MADD: variants seen among roughly 807,000 people sequenced by gnomAD.
The protein encoded by MADD is MAP kinase-activating death domain protein.
A neutral mutation model predicts 176.7 loss-of-function variants in MADD; 109 were observed. The observed-to-expected ratio is 0.62, with a 90% confidence interval of 0.53 to 0.72. The LOEUF (loss-of-function observed/expected upper bound fraction) is 0.72, where lower values mean the gene tolerates loss of function less well. Among genes scored for constraint, MADD ranks in the 30% least tolerant of loss-of-function variants. The probability of loss-of-function intolerance (pLI) is 0.00; values close to 1 mark genes in which losing one functional copy is unlikely to be tolerated. For missense variants in MADD, 1,914 were observed against 2,045.5 expected, an observed-to-expected ratio of 0.94 and a Z score of 1.24; for synonymous variants, 771 against 771.3, an observed-to-expected ratio of 1.00 and a Z score of 0.01.
intron 27 of MADD, among the ~76,000 whole-genome samples, chr11:47,320,823 A>G (rs2094343220): frequency 6.6e-6 from 1 of 152,004 alleles, no homozygotes. Flanking sequence ...TGGGGAGGCT[A>G]AGTTGGGAGG....
intron 1 of MADD, among the ~76,000 whole-genome samples, chr11:47,271,550 G>A (rs1232341619): frequency 1.3e-5 from 2 of 152,140 alleles, no homozygotes; most frequent in Non-Finnish European, 2.9e-5. Flanking sequence ...GGCTAGAGAG[G>A]CCTGATGCGT....
chr11:47,308,586 T>C lies in MADD; in HGVS notation c.3643-5T>C. 1 of 1,612,944 alleles carries C rather than the reference T, an allele frequency of 6.2e-7. No homozygotes were observed. Among genetic ancestry groups the C allele is most frequent in the Non-Finnish European group, 8.5e-7 (1 of 1,179,186 alleles). On this transcript the variant is annotated splice_polypyrimidine_tract_variant and splice_region_variant and intron_variant, in intron 22 of 32. Coordinates refer to ENST00000402192, the Ensembl canonical transcript of MADD. The stretch of plus-strand genomic sequence containing the variant: ...GGCCACTGACCTATCACCTCTTCTC[T>C]CTAGGGTAAAGCCCACAGCTTGAAG...
intron 25 of MADD, among the ~76,000 whole-genome samples, 169 bp from the exon 29 acceptor site, chr11:47,311,563 C>T (rs971386635): frequency 6.6e-6 from 1 of 152,186 alleles, no homozygotes; most frequent in Admixed American, 6.5e-5. Context: ...TTCTTCCCCT[C>T]ATGGTGGCAG....
At chr11:47,318,830 CAG>C (rs1369960479) in intron 27 of MADD, among the ~76,000 whole-genome samples, 1 of 101,844 alleles carries the variant, frequency 9.8e-6, no homozygotes, top group Non-Finnish European at 1.8e-5. Flanking sequence ...TTTTTTGAGA[CAG>C]AGTCTCACTC....
At chr11:47,296,318 A>G (rs2071769475) in intron 22 of MADD, among the ~76,000 whole-genome samples, 1 of 152,142 alleles carries the variant, frequency 6.6e-6, no homozygotes, top group Non-Finnish European at 1.5e-5. Flanking sequence ...TTTGAATCCT[A>G]TGTAGTATTA....
chr11:47,309,288 G>A (rs756262825), exon 24 of MADD: 30 of 1,614,066 alleles, frequency 1.9e-5, no homozygotes, highest in Non-Finnish European at 2.5e-5. Flanking sequence ...CAGGCAAAGA[G>A]CGTTCTACTT....
chr11:47,269,403 C>T (rs1431965988), upstream of MADD: 1 of 152,470 alleles, frequency 6.6e-6, no homozygotes, highest in Non-Finnish European at 1.5e-5. Flanking sequence ...GTCGGCGGTG[C>T]ACCTCACGTG....
At position 47,277,452 on chromosome 11, in the gene MADD, A is replaced by G. The variant is rs186279911; in HGVS notation, c.1095+589A>G. 3.9e-5 allele frequency among the ~76,000 whole-genome samples: 6 copies of G among 152,170 alleles called. No homozygotes were observed. In the East Asian group the frequency reaches 1.2e-3, roughly 29 times the overall value. ...GGATTACAGGCACTGCCACCACCAC[A>G]CACCAAATAATTTTTTGTATTTTTA... On this transcript the variant is annotated intron_variant, in intron 5 of 32. Coordinates refer to ENST00000402192, the Ensembl canonical transcript of MADD.
chr11:47,308,538 TG>T (rs766411897), intron 22 of MADD, 52 bp from the exon 25 acceptor site: 60 of 1,384,352 alleles, frequency 4.3e-5, no homozygotes, highest in Admixed American at 2.5e-4. Context: ...TGGTTTCCTT[TG>T]TCTCTATTCA....
exon 10 of MADD, chr11:47,282,858 C>T: frequency 6.2e-7 from 1 of 1,614,172 alleles, no homozygotes; most frequent in South Asian, 1.1e-5. Context: ...AAGTGGTATG[C>T]TCATCAGCTG....
chr11:47,284,513 C>T, exon 12 of MADD: 10 of 1,614,142 alleles, frequency 6.2e-6, no homozygotes, highest in African/African-American at 1.3e-5. Context: ...CGCTCCAGCT[C>T]TAGCACCACA....
At chr11:47,272,122 G>C (rs539067344) in intron 1 of MADD, 3 of 152,208 alleles carry the variant, frequency 2.0e-5, no homozygotes, top group African/African-American at 7.2e-5. Context: ...CTCTAGGTTC[G>C]AGGAGAGTGA....
At chr11:47,319,875 C>T (rs147206042) in intron 27 of MADD, among the ~76,000 whole-genome samples, 3,420 of 151,734 alleles carry the variant, frequency 0.023, 46 homozygotes, top group Non-Finnish European at 0.036. Flanking sequence ...GCCTGCAATC[C>T]CAGCTACATG....
chr11:47,279,195 C>T (rs752672990), intron 7 of MADD, 116 bp downstream of exon 7: 2 of 960,630 alleles, frequency 2.1e-6, no homozygotes, highest in African/African-American at 1.6e-5. Context: ...TAGTTTTCTT[C>T]ACCCTGGATG....
intron 14 of MADD, 78 bp downstream of exon 14, chr11:47,285,668 T>C (rs572345563): frequency 1.4e-4 from 219 of 1,588,356 alleles, no homozygotes; most frequent in Non-Finnish European, 1.8e-4. Flanking sequence ...CAAATGTTGC[T>C]TAGAACTTCA....
At position 47,309,589 on chromosome 11, in the gene MADD, ATC is replaced by A; in HGVS notation, c.3958_3959del (p.Ser1320LeufsTer9). On this transcript the variant is annotated frameshift_variant, in exon 25 of 33. Transcript: ENST00000402192. LOFTEE classifies it high-confidence loss of function. ...GTTGGCCACACTTCTGCACAACCTC[ATC>A]TCCTACATGCTGCTGATGAAGGTAA... 1 of 1,613,910 alleles carries A rather than the reference ATC, an allele frequency of 6.2e-7. No individual in the cohort carries two copies. Among genetic ancestry groups the A allele is most frequent in the Non-Finnish European group, 8.5e-7 (1 of 1,179,760 alleles).
At chr11:47,328,578 G>A in intron 31 of MADD, 80 bp from the exon 36 acceptor site, 1 of 1,598,872 alleles carries the variant, frequency 6.3e-7, no homozygotes. Flanking sequence ...CTGACGCCGG[G>A]CGCTGCCGCC....
At chr11:47,308,825 T>G in intron 23 of MADD, 126 bp downstream of exon 25, 1 of 1,019,934 alleles carries the variant, frequency 9.8e-7, no homozygotes, top group Non-Finnish European at 1.5e-6. Context: ...GATAGCAGTT[T>G]TATACCTGAA....
intron 22 of MADD, among the ~76,000 whole-genome samples, chr11:47,306,457 A>G (rs1169435332): frequency 1.3e-5 from 2 of 152,228 alleles, no homozygotes; most frequent in African/African-American, 4.8e-5. Context: ...GAGGGAGCAC[A>G]GCTGTATGGA....
Sources: allele counts gnomAD v4.1 joint callset (sites outside exome capture counted in the v4.1 genomes callset), GRCh38; gene constraint gnomAD v4.1.1; transcripts MANE v1.5; gene names NCBI Gene and HGNC (gene_info 2026-07-23, HGNC 2026-07-21).